Variants in GRIA1 observed in about 807,000 individuals in gnomAD.
The protein encoded by GRIA1 is glutamate ionotropic receptor AMPA type subunit 1.
In GRIA1, 31 loss-of-function variants were observed where a neutral mutation model predicts 99.2. The ratio of observed to expected loss-of-function variants is 0.31; its 90% CI spans 0.23 to 0.42. GRIA1 has a LOEUF of 0.42. Ranked by LOEUF, GRIA1 falls within the 10% of genes least tolerant of loss-of-function variation. The pLI is 1.00. For missense variants in GRIA1, 782 were observed against 1,157.5 expected (o/e 0.68, Z 4.71); for synonymous variants, 438 against 432.4 (o/e 1.01, Z -0.16).
chr5:153,659,733 G>A (rs1755218285), intron 5 of GRIA1, among the ~76,000 whole-genome samples: 1 of 152,100 alleles, frequency 6.6e-6, no homozygotes, highest in Non-Finnish European at 1.5e-5. Flanking sequence ...TGGTCAGATT[G>A]TTATACTGGT....
At chr5:153,647,241 C>T in intron 3 of GRIA1, 74 bp downstream of exon 3, 4 of 1,500,632 alleles carry the variant, frequency 2.7e-6, no homozygotes, top group Admixed American at 1.9e-5. Context: ...AGAATGATGC[C>T]TCACTGCTTC....
intron 7 of GRIA1, among the ~76,000 whole-genome samples, chr5:153,680,849 C>G (rs962542319): frequency 2.6e-5 from 4 of 152,206 alleles, no homozygotes; most frequent in Non-Finnish European, 5.9e-5. Context: ...AGGAATGTGA[C>G]TGGCCTTTCA....
intron 2 of GRIA1, among the ~76,000 whole-genome samples, chr5:153,590,091 C>CT (rs1346957384): frequency 6.6e-6 from 1 of 152,032 alleles, no homozygotes; most frequent in Non-Finnish European, 1.5e-5. Flanking sequence ...TTTAAGATAG[C>CT]TATAAATAAA....
chr5:153,490,755 G>A lies in GRIA1; in HGVS notation c.-134G>A. ...AACAGACAAACCTCACGAAAGGAAG[G>A]AAGCAAGCAAGCAAGGAAGGAACTG... On this transcript the variant is annotated 5_prime_UTR_variant, in exon 1 of 16. Coordinates refer to ENST00000285900, the MANE Select transcript of GRIA1 (RefSeq NM_000827.4). 1.3e-6 allele frequency: 1 copy of A among 757,736 alleles called. No individual in the cohort carries two copies. Among genetic ancestry groups the A allele is most frequent in the Non-Finnish European group, 2.4e-6 (1 of 417,970 alleles). The allele number at this position is 757,736 out of a possible 1,614,324, so 46.9% of individuals were successfully genotyped here.
chr5:153,745,926 G>GTA (rs1176152662), intron 11 of GRIA1, among the ~76,000 whole-genome samples: 2 of 151,624 alleles, frequency 1.3e-5, no homozygotes, highest in Admixed American at 1.3e-4. Context: ...CTTCTACCAG[G>GTA]TATCTACACT....
chr5:153,702,969 C>T (rs935785864), intron 10 of GRIA1, among the ~76,000 whole-genome samples: 1 of 152,186 alleles, frequency 6.6e-6, no homozygotes, highest in African/African-American at 2.4e-5. Flanking sequence ...ACACAATCAG[C>T]CAGTTGCAGA....
At chr5:153,669,731 C>G (rs546350022) in intron 5 of GRIA1, among the ~76,000 whole-genome samples, 1 of 152,020 alleles carries the variant, frequency 6.6e-6, no homozygotes, top group East Asian at 1.9e-4. Flanking sequence ...TATTTTAAAC[C>G]CTTTTCCTGC....
At chr5:153,648,754 G>A (rs1055580946) in intron 3 of GRIA1, among the ~76,000 whole-genome samples, 1 of 152,046 alleles carries the variant, frequency 6.6e-6, no homozygotes, top group Admixed American at 6.5e-5. Context: ...GGTTAACTGT[G>A]TTACTGAAAG....
intron 2 of GRIA1, among the ~76,000 whole-genome samples, chr5:153,496,206 T>G (rs1754405995): frequency 6.6e-6 from 1 of 152,244 alleles, no homozygotes; most frequent in African/African-American, 2.4e-5. Flanking sequence ...GGTTAATGAC[T>G]GTTTATTAGG....
chr5:153,643,057 G>C (rs1187013168), intron 2 of GRIA1, among the ~76,000 whole-genome samples: 1 of 152,170 alleles, frequency 6.6e-6, no homozygotes, highest in Non-Finnish European at 1.5e-5. Context: ...GCAGGCAGGA[G>C]GGGGACAGTG....
chr5:153,777,917 C>T (rs1231430436), intron 13 of GRIA1, among the ~76,000 whole-genome samples: 1 of 152,198 alleles, frequency 6.6e-6, no homozygotes, highest in African/African-American at 2.4e-5. Flanking sequence ...TTCAATTAGT[C>T]CTTGCCTCCT....
chr5:153,801,616 G>C (rs557466182), intron 14 of GRIA1, among the ~76,000 whole-genome samples: 1 of 152,272 alleles, frequency 6.6e-6, no homozygotes, highest in South Asian at 2.1e-4. Flanking sequence ...AGCCACCTGG[G>C]TCTGCCTCCA....
chr5:153,579,440 G>A (rs953451510), intron 2 of GRIA1, among the ~76,000 whole-genome samples: 2 of 152,168 alleles, frequency 1.3e-5, no homozygotes, highest in African/African-American at 2.4e-5. Flanking sequence ...TGAGAGTCAA[G>A]TCAGCAAGTC....
chr5:153,686,735 T>A (rs1420636030), intron 8 of GRIA1, among the ~76,000 whole-genome samples: 1 of 152,204 alleles, frequency 6.6e-6, no homozygotes, highest in Non-Finnish European at 1.5e-5. Context: ...TAGTTGGTCA[T>A]ATCCACTCTA....
intron 11 of GRIA1, among the ~76,000 whole-genome samples, chr5:153,739,940 G>A (rs893551506): frequency 6.6e-6 from 1 of 152,134 alleles, no homozygotes; most frequent in African/African-American, 2.4e-5. Flanking sequence ...AAGTACTCTA[G>A]CCATTTCCAT....
intron 5 of GRIA1, among the ~76,000 whole-genome samples, chr5:153,669,460 G>A (rs961426186): frequency 6.6e-6 from 1 of 151,972 alleles, no homozygotes; most frequent in Non-Finnish European, 1.5e-5. Context: ...AATTAAGCAG[G>A]GCTCTCTTAA....
chr5:153,653,211 GA>G (rs1171375214), intron 4 of GRIA1, among the ~76,000 whole-genome samples: 1 of 152,180 alleles, frequency 6.6e-6, no homozygotes, highest in Non-Finnish European at 1.5e-5. Context: ...AAGCCTCTAA[GA>G]AAGTTCTTAA....
intron 2 of GRIA1, among the ~76,000 whole-genome samples, chr5:153,545,575 CG>C (rs1340664674): frequency 6.6e-6 from 1 of 152,090 alleles, no homozygotes; most frequent in East Asian, 1.9e-4. Flanking sequence ...GCTTGGGTCC[CG>C]GGTTAGTTCA....
intron 2 of GRIA1, among the ~76,000 whole-genome samples, chr5:153,583,742 T>A (rs1446665354): frequency 2.6e-5 from 4 of 152,078 alleles, no homozygotes; most frequent in Admixed American, 6.6e-5. Context: ...CTGTATTTTT[T>A]AAAAAAACTC....
Sources: gnomAD v4.1 joint callset for allele counts (sites outside exome capture counted in the v4.1 genomes callset) on GRCh38, gnomAD v4.1.1 for gene constraint, MANE v1.5 for transcripts, NCBI Gene and HGNC (gene_info 2026-07-23, HGNC 2026-07-21) for gene names.